The following ATRNL1 variants were observed in gnomAD, a reference collection of about 807,000 sequenced individuals.
ATRNL1 encodes the protein attractin-like protein 1.
Under a neutral mutation model 182.7 loss-of-function variants are expected in ATRNL1, and 95 were observed. The observed-to-expected ratio is 0.52, with a 90% CI of 0.44 to 0.62. The LOEUF (loss-of-function observed/expected upper bound fraction) is 0.62, where lower values mean the gene tolerates loss of function less well. ATRNL1 is among the 20% of genes least tolerant of loss of function. The pLI, the probability that ATRNL1 is intolerant of heterozygous loss-of-function variation, is 0.00. For synonymous variants in ATRNL1, 576 were observed against 568.3 expected, an observed-to-expected ratio of 1.01 and a Z score of -0.19; for missense variants, 1,471 against 1,679.5, an observed-to-expected ratio of 0.88 and a Z score of 2.17.
At chr10:115,306,308 T>C (rs1483450271) in intron 17 of ATRNL1, among the ~76,000 whole-genome samples, 1 of 152,210 alleles carries the variant, frequency 6.6e-6, no homozygotes, top group Non-Finnish European at 1.5e-5. Context: ...CTAAATGTGG[T>C]ATTCCAAATA....
intron 26 of ATRNL1, among the ~76,000 whole-genome samples, chr10:115,589,076 G>T (rs1171796264): frequency 6.6e-6 from 1 of 152,090 alleles, no homozygotes; most frequent in Non-Finnish European, 1.5e-5. Context: ...ATAGAGATAT[G>T]ATAAGAAATA....
rs920183787 is a variant in ATRNL1, at chr10:115,654,283, G to A, written c.3796-72965G>A. On this transcript the variant is annotated intron_variant, in intron 26 of 28. Transcript: ENST00000355044. ...CACCCAGGCTGGAGTGCAGTGGCGC[G>A]ATCTTGGCTCACTGCAACCTCTGCC... is the stretch of plus-strand genomic sequence containing the variant. Among the ~76,000 whole-genome samples, 24 of 151,462 alleles carry A rather than the reference G, an allele frequency of 1.6e-4. No homozygotes were observed. In the East Asian group the frequency reaches 2.1e-3, roughly 14 times the overall value.
At position 115,717,607 on chromosome 10, in the gene ATRNL1, A is replaced by G. The variant is rs182329565; in HGVS notation, c.3796-9641A>G. 6.5e-4 allele frequency among the ~76,000 whole-genome samples: 83 copies of G among 128,050 alleles called. 1 individual carries two copies. Among genetic ancestry groups the G allele is most frequent in the African/African-American group, 2.4e-3 (82 of 33,918 alleles). 84.0% of individuals were successfully genotyped at this position (128,050 alleles called of 152,430 possible). A position where few individuals can be genotyped will look rare whatever the true frequency, so the allele number is the denominator to read the frequency against. On this transcript the variant is annotated intron_variant, in intron 26 of 28. Transcript: ENST00000355044. The stretch of plus-strand genomic sequence containing the variant: ...CGCTCTGTCACCTGGGCTAGAGTGC[A>G]GTGGTGCAATCTCAGCACACTGCAA...
intron 26 of ATRNL1, among the ~76,000 whole-genome samples, chr10:115,684,955 C>CT (rs2133958800): frequency 6.6e-6 from 1 of 151,694 alleles, no homozygotes; most frequent in South Asian, 2.1e-4. Context: ...AATAATGTTT[C>CT]TTTTACAATA....
intron 19 of ATRNL1, among the ~76,000 whole-genome samples, chr10:115,348,258 G>C (rs1281488690): frequency 3.3e-5 from 5 of 152,016 alleles, no homozygotes; most frequent in African/African-American, 1.2e-4. Context: ...CAGGCATGAG[G>C]CACCGCGCCT....
At position 115,598,144 on chromosome 10, in the gene ATRNL1, G is replaced by A. The variant is rs782037437; in HGVS notation, c.3795+48608G>A. 9.2e-5 allele frequency among the ~76,000 whole-genome samples: 14 copies of A among 151,684 alleles called. No homozygotes were observed. In the East Asian group the frequency reaches 2.7e-3, roughly 30 times the overall value. ...AAATGGGGAAGCAGGCTGAAAGCAAGCCCAGGCAAGCGATAAAACAATAGC... is the reference window on the plus strand; with the variant it reads ...AAATGGGGAAGCAGGCTGAAAGCAAACCCAGGCAAGCGATAAAACAATAGC... On this transcript the variant is annotated intron_variant, in intron 26 of 28. Transcript: ENST00000355044.
chr10:115,882,129 T>C (rs1951839473), intron 28 of ATRNL1, among the ~76,000 whole-genome samples: 1 of 152,056 alleles, frequency 6.6e-6, no homozygotes, highest in African/African-American at 2.4e-5. Flanking sequence ...TGGGGATAAA[T>C]GGTAAAGGGA....
At chr10:115,928,516 T>A (rs1460774635) in intron 28 of ATRNL1, among the ~76,000 whole-genome samples, 1 of 152,020 alleles carries the variant, frequency 6.6e-6, no homozygotes, top group Admixed American at 6.6e-5. Flanking sequence ...TTGTATTAAT[T>A]ACCTTGTATG....
At chr10:115,249,697 G>A (rs536119401) in intron 10 of ATRNL1, among the ~76,000 whole-genome samples, 3 of 152,052 alleles carry the variant, frequency 2.0e-5, no homozygotes, top group East Asian at 1.9e-4. Context: ...TCCAGAGAGT[G>A]TATATTATCT....
At chr10:115,686,041 A>C (rs1164504807) in intron 26 of ATRNL1, among the ~76,000 whole-genome samples, 4 of 151,702 alleles carry the variant, frequency 2.6e-5, no homozygotes, top group African/African-American at 9.7e-5. Flanking sequence ...TATTTATAGA[A>C]GTTTAGGAAA....
At chr10:115,444,430 ATTGT>A (rs1461350024) in intron 21 of ATRNL1, among the ~76,000 whole-genome samples, 1 of 152,028 alleles carries the variant, frequency 6.6e-6, no homozygotes, top group East Asian at 1.9e-4. Context: ...ACATTACTGA[ATTGT>A]TTATTATTTA....
At chr10:115,559,448 G>GCACA (rs1307370435) in intron 26 of ATRNL1, among the ~76,000 whole-genome samples, 2,520 of 51,694 alleles carry the variant, frequency 0.049, 59 homozygotes, top group African/African-American at 0.13. Flanking sequence ...GTGTGTGCGC[G>GCACA]CGCGCACGCA....
intron 19 of ATRNL1, among the ~76,000 whole-genome samples, chr10:115,357,670 C>G (rs958106029): frequency 4.0e-5 from 6 of 151,468 alleles, no homozygotes; most frequent in Non-Finnish European, 8.9e-5. Context: ...TTTATCTTAC[C>G]TTTACTTTAT....
chr10:115,320,670 A>G (rs974149089), intron 18 of ATRNL1, among the ~76,000 whole-genome samples: 1 of 150,034 alleles, frequency 6.7e-6, no homozygotes, highest in African/African-American at 2.4e-5. Context: ...TTTTTCTTCC[A>G]CTTCGTCACT....
intron 28 of ATRNL1, among the ~76,000 whole-genome samples, chr10:115,940,679 C>CTCTCTCTCTCTCTCTCTCTCT (rs1953701884): frequency 1.1e-5 from 1 of 87,542 alleles, no homozygotes; most frequent in Non-Finnish European, 2.0e-5. Context: ...ATTACTCTCT[C>CTCTCTCTCTCTCTCTCTCTCT]TCTCTCTCTC....
At chr10:115,486,544 T>A (rs1410814810) in intron 24 of ATRNL1, among the ~76,000 whole-genome samples, 2 of 152,192 alleles carry the variant, frequency 1.3e-5, no homozygotes, top group Non-Finnish European at 2.9e-5. Flanking sequence ...AGAAATGTCT[T>A]CTTTTGAGAA....
chr10:115,927,958 T>C (rs979233907), intron 28 of ATRNL1, among the ~76,000 whole-genome samples: 3 of 152,042 alleles, frequency 2.0e-5, no homozygotes, highest in African/African-American at 7.2e-5. Context: ...CTAATTTTTG[T>C]GGTGGTTTCC....
intron 26 of ATRNL1, among the ~76,000 whole-genome samples, chr10:115,709,169 A>G (rs1946988081): frequency 6.6e-6 from 1 of 151,864 alleles, no homozygotes; most frequent in African/African-American, 2.4e-5. Flanking sequence ...CATTGACTTT[A>G]TAATAATTTG....
chr10:115,629,225 A>G (rs1858324390), intron 26 of ATRNL1, among the ~76,000 whole-genome samples: 1 of 152,310 alleles, frequency 6.6e-6, no homozygotes, highest in South Asian at 2.1e-4. Context: ...AGACTTGAAT[A>G]TGATACTGTC....
Sources: gnomAD v4.1 joint callset for allele counts (sites outside exome capture counted in the v4.1 genomes callset) on GRCh38, gnomAD v4.1.1 for gene constraint, MANE v1.5 for transcripts, NCBI Gene and HGNC (gene_info 2026-07-23, HGNC 2026-07-21) for gene names.